ZSCAN25: variants seen among roughly 807,000 people sequenced by gnomAD.
The protein encoded by ZSCAN25 is zinc finger and SCAN domain containing 25.
A neutral mutation model predicts 38.7 loss-of-function variants in ZSCAN25; 27 were observed. The observed-to-expected ratio is 0.70, with a 90% CI of 0.51 to 0.96. The LOEUF (loss-of-function observed/expected upper bound fraction) is 0.96. ZSCAN25 is among the 40% of genes least tolerant of loss of function. ZSCAN25 has a pLI of 0.00. For missense variants in ZSCAN25, 637 were observed against 705.9 expected, an observed-to-expected ratio of 0.90 and a Z score of 1.11; for synonymous variants, 273 against 277.7, an observed-to-expected ratio of 0.98 and a Z score of 0.17.
At chr7:99,690,495 C>T in the ZSCAN25 span, among the ~76,000 whole-genome samples, 3 of 152,164 alleles carry the variant, frequency 2.0e-5, no homozygotes, top group African/African-American at 7.2e-5. Context: ...AAACTACCAT[C>T]AGAGTGAACA....
chr7:99,658,352 G>T, the ZSCAN25 span, among the ~76,000 whole-genome samples: 29 of 152,222 alleles, frequency 1.9e-4, no homozygotes, highest in African/African-American at 6.7e-4. Flanking sequence ...GCTTAGTTTG[G>T]CTGGAAATGA....
the ZSCAN25 span, chr7:99,705,578 G>A: frequency 1.1e-5 from 18 of 1,613,448 alleles, no homozygotes; most frequent in Admixed American, 2.0e-4. Context: ...GTCCTCCAAA[G>A]CGTAATTTCA....
chr7:99,732,721 G>C, the ZSCAN25 span, among the ~76,000 whole-genome samples: 1 of 152,166 alleles, frequency 6.6e-6, no homozygotes, highest in African/African-American at 2.4e-5. Flanking sequence ...AGTCCCACAA[G>C]CTTGGCCCCA....
At chr7:99,704,106 T>A in the ZSCAN25 span, among the ~76,000 whole-genome samples, 1 of 151,868 alleles carries the variant, frequency 6.6e-6, no homozygotes, top group Non-Finnish European at 1.5e-5. Flanking sequence ...CAATCAACTG[T>A]TTTTTTTATT....
chr7:99,663,902 TC>T, the ZSCAN25 span: 1 of 1,522,546 alleles, frequency 6.6e-7, no homozygotes, highest in Non-Finnish European at 8.7e-7. Flanking sequence ...ACATGCTCTA[TC>T]ATGTGTATAA....
chr7:99,620,017 C>T lies in ZSCAN25; in HGVS notation c.387+24C>T, dbSNP rs757028561. The stretch of plus-strand genomic sequence containing the variant: ...CGGTGGGTGAGGAGGGGATCCAGGT[C>T]TGGCGCCCTTGGCGTGGGCAGGGAA... On this transcript the variant is annotated intron_variant, in intron 4 of 7. Coordinates refer to ENST00000394152, the MANE Select transcript of ZSCAN25 (RefSeq NM_145115.3). The T allele has an allele frequency of 1.9e-6, 3 of 1,594,488 alleles. No individual in the cohort carries two copies. In the South Asian group the frequency reaches 3.4e-5, roughly 18 times the overall value.
In ZSCAN25 at chr7:99,629,968, T is replaced by C; in HGVS notation, c.1583T>C (p.Ile528Thr). The change falls in exon 8 of 8, where the codon ATC (isoleucine) becomes ACC (threonine). Residue 528 changes from isoleucine to threonine, a missense_variant. Coordinates refer to ENST00000394152, the MANE Select transcript of ZSCAN25 (RefSeq NM_145115.3). The surrounding 1 kb of genome is among the most constrained non-coding windows in gnomAD (Gnocchi z 5.6). ...ACGRSFNQRSILNRHQKTQHR... is the reference protein window; with the variant it reads ...ACGRSFNQRSTLNRHQKTQHR... ...GGGCGAAGCTTCAACCAGAGGTCCATCCTCAACCGGCACCAGAAGACCCAG... is the reference window on the plus strand; with the variant it reads ...GGGCGAAGCTTCAACCAGAGGTCCACCCTCAACCGGCACCAGAAGACCCAG... 1 of 1,607,162 alleles carries C rather than the reference T, an allele frequency of 6.2e-7. No homozygotes were observed. The highest frequency in any genetic ancestry group is 1.1e-5 in the South Asian group (1 of 90,266).
At chr7:99,626,370 T>C (rs1281540234) in intron 7 of ZSCAN25, among the ~76,000 whole-genome samples, 3 of 151,864 alleles carry the variant, frequency 2.0e-5, no homozygotes, top group African/African-American at 7.3e-5. Flanking sequence ...CTGCGCAGAG[T>C]AATGTGATGG....
chr7:99,666,953 T>C, the ZSCAN25 span: 3 of 1,613,408 alleles, frequency 1.9e-6, no homozygotes, highest in East Asian at 2.2e-5. Flanking sequence ...TTTTCATACC[T>C]CCTTGAGTTT....
the ZSCAN25 span, among the ~76,000 whole-genome samples, chr7:99,641,930 T>C: frequency 6.6e-6 from 1 of 152,202 alleles, no homozygotes; most frequent in African/African-American, 2.4e-5. Context: ...TTTAAAAATA[T>C]AGCTAAGATG....
chr7:99,639,811 A>G, the ZSCAN25 span, among the ~76,000 whole-genome samples: 5 of 152,140 alleles, frequency 3.3e-5, no homozygotes, highest in African/African-American at 7.2e-5. Context: ...CGCGTCTGTA[A>G]TACCAGCACT....
chr7:99,624,882 A>G (rs1228012186), intron 7 of ZSCAN25, among the ~76,000 whole-genome samples: 2 of 152,204 alleles, frequency 1.3e-5, no homozygotes. Context: ...GAGAGTCTGC[A>G]TGCGTGGAAT....
At chr7:99,666,516 C>T in the ZSCAN25 span, 1 of 1,405,500 alleles carries the variant, frequency 7.1e-7, no homozygotes, top group African/African-American at 1.4e-5. Flanking sequence ...ACTGGAGTAA[C>T]CCAACAGTGC....
the ZSCAN25 span, among the ~76,000 whole-genome samples, chr7:99,713,760 G>T: frequency 6.6e-6 from 1 of 152,084 alleles, no homozygotes; most frequent in Non-Finnish European, 1.5e-5. Context: ...ATTGCTTTTT[G>T]GTCTTTTCCC....
chr7:99,684,900 C>T, the ZSCAN25 span: 1 of 315,738 alleles, frequency 3.2e-6, no homozygotes, highest in African/African-American at 2.2e-5. Context: ...CTGTGAGAAA[C>T]AAAGAAGCCA....
intron 7 of ZSCAN25, among the ~76,000 whole-genome samples, chr7:99,628,617 T>C (rs1807704288): frequency 6.6e-6 from 1 of 152,194 alleles, no homozygotes. Flanking sequence ...TTAGCAAGCA[T>C]CTTCCCTGAG....
the ZSCAN25 span, chr7:99,672,549 A>C: frequency 6.5e-7 from 1 of 1,546,854 alleles, no homozygotes; most frequent in Non-Finnish European, 8.9e-7. Flanking sequence ...TGGATCAATC[A>C]TTATTTAAAT....
the ZSCAN25 span, chr7:99,650,087 A>G: frequency 5.6e-6 from 9 of 1,614,098 alleles, no homozygotes; most frequent in South Asian, 2.2e-5. Flanking sequence ...GTTTCTTTAC[A>G]AGGTTTGAAG....
chr7:99,715,605 G>A, the ZSCAN25 span: 3 of 1,354,278 alleles, frequency 2.2e-6, no homozygotes, highest in Non-Finnish European at 3.1e-6. Flanking sequence ...GTGTTTTAAA[G>A]TTTACAATGG....
Sources: gnomAD v4.1 joint callset for allele counts (sites outside exome capture counted in the v4.1 genomes callset) on GRCh38, gnomAD v4.1.1 for gene constraint, Gnocchi (gnomAD v3.1) non-coding constraint, MANE v1.5 for transcripts, NCBI Gene and HGNC (gene_info 2026-07-23, HGNC 2026-07-21) for gene names.